Variants in SLC2A14 observed in about 807,000 individuals in gnomAD.
SLC2A14 encodes the protein solute carrier family 2 member 14, also known as solute carrier family 2, facilitated glucose transporter member 14.
Under a neutral mutation model 43.0 loss-of-function variants are expected in SLC2A14, and 13 were observed. That is an observed-to-expected ratio of 0.30 (90% CI 0.20 to 0.48). The LOEUF is 0.48. SLC2A14 is among the 20% of genes least tolerant of loss of function. The pLI is 0.99. For synonymous variants in SLC2A14, 190 were observed against 233.8 expected (o/e 0.81, Z 1.71); for missense variants, 428 against 620.4 (o/e 0.69, Z 3.29).
chr12:7,837,254 TTAAATG>T (rs1865534709), intron 2 of SLC2A14, among the ~76,000 whole-genome samples: 1 of 152,088 alleles, frequency 6.6e-6, no homozygotes, highest in African/African-American at 2.4e-5. Flanking sequence ...TGCACATACT[TTAAATG>T]TATACAATTT....
In SLC2A14 at chr12:7,868,947, C is replaced by T. The variant is rs765770878; in HGVS notation, c.18+916G>A. On this transcript the variant is annotated intron_variant, in intron 2 of 10. Coordinates refer to ENST00000431042, the MANE Select transcript of SLC2A14 (RefSeq NM_001286234.2). ...ATCACCTGAGGTCGGGAGTTCAAGA[C>T]CAGCCTGACCAACATGGAGAAACCC... 2.6e-5 allele frequency among the ~76,000 whole-genome samples: 4 copies of T among 152,158 alleles called. No individual in the cohort carries two copies. In the South Asian group the frequency reaches 8.3e-4, roughly 32 times the overall value.
chr12:7,884,464 T>C (rs1308101727), intron 1 of SLC2A14, among the ~76,000 whole-genome samples: 2 of 152,100 alleles, frequency 1.3e-5, no homozygotes, highest in Non-Finnish European at 2.9e-5. Flanking sequence ...AACAAGGAGT[T>C]TGATCTGTAA....
At chr12:7,883,545 C>G (rs892781240) in intron 1 of SLC2A14, among the ~76,000 whole-genome samples, 2 of 150,284 alleles carry the variant, frequency 1.3e-5, no homozygotes, top group Admixed American at 6.7e-5. Flanking sequence ...AGATTACAGG[C>G]ATGAGCCACC....
chr12:7,881,754 C>T (rs1330777350), intron 1 of SLC2A14, among the ~76,000 whole-genome samples: 3 of 152,158 alleles, frequency 2.0e-5, no homozygotes, highest in African/African-American at 7.2e-5. Context: ...CTAGTTGGAA[C>T]TTGGAGAACC....
chr12:7,879,316 A>AAAAGACAAC (rs148751409), intron 1 of SLC2A14, among the ~76,000 whole-genome samples: 1 of 109,982 alleles, frequency 9.1e-6, no homozygotes, highest in Non-Finnish European at 1.8e-5. Context: ...TCTGCAAAAA[A>AAAAGACAAC]AAACAAACAA....
chr12:7,887,790 T>G (rs775895688), intron 1 of SLC2A14, among the ~76,000 whole-genome samples: 8 of 152,318 alleles, frequency 5.3e-5, no homozygotes, highest in African/African-American at 1.7e-4. Context: ...AACTGTCATC[T>G]CTGTTGGCAC....
At chr12:7,878,761 GA>G (rs771761070) in intron 1 of SLC2A14, among the ~76,000 whole-genome samples, 17 of 151,538 alleles carry the variant, frequency 1.1e-4, no homozygotes, top group South Asian at 2.1e-4. Flanking sequence ...GGCGGATCAC[GA>G]GGTCAGGAGA....
intron 1 of SLC2A14, among the ~76,000 whole-genome samples, chr12:7,886,348 T>G (rs1000616083): frequency 1.4e-4 from 2 of 14,546 alleles, no homozygotes; most frequent in African/African-American, 3.6e-4. Context: ...TAAAATTTAT[T>G]TATTTATTTA....
chr12:7,827,413 C>T lies in SLC2A14; in HGVS notation c.864+82G>A, dbSNP rs1592172140. The T allele has an allele frequency of 4.6e-6, 7 of 1,518,836 alleles. No homozygotes were observed. In the Admixed American group the frequency reaches 1.4e-4, roughly 31 times the overall value. 94.1% of individuals were successfully genotyped at this position (1,518,836 alleles called of 1,614,324 possible). A position where few individuals can be genotyped will look rare whatever the true frequency, so the allele number is the denominator to read the frequency against. ...GCCTCAGCCTCCTGAGTAGCTGGGA[C>T]TACAGAGGCACACCGCCACCATGCC... On this transcript the variant is annotated intron_variant, in intron 7 of 10. Transcript: ENST00000431042.
chr12:7,825,459 CAAA>C, intron 7 of SLC2A14, among the ~76,000 whole-genome samples: 1 of 131,626 alleles, frequency 7.6e-6, no homozygotes, highest in Non-Finnish European at 1.6e-5. Flanking sequence ...GACTACCTCT[CAAA>C]AAAAAAAAAA....
intron 2 of SLC2A14, among the ~76,000 whole-genome samples, chr12:7,844,830 C>G (rs112239520): frequency 6.6e-6 from 1 of 152,072 alleles, no homozygotes; most frequent in Non-Finnish European, 1.5e-5. Flanking sequence ...GCCACCGCAC[C>G]GGGCTGTAAA....
At chr12:7,827,767 G>A (rs982459967) in intron 6 of SLC2A14, 85 bp from the exon 7 acceptor site, 45 of 1,504,378 alleles carry the variant, frequency 3.0e-5, no homozygotes, top group Non-Finnish European at 3.6e-5. Context: ...GGAAAGGGCC[G>A]CACGAGGTGA....
chr12:7,820,428 G>T (rs1355255050), intron 8 of SLC2A14, among the ~76,000 whole-genome samples: 1 of 152,150 alleles, frequency 6.6e-6, no homozygotes, highest in African/African-American at 2.4e-5. Context: ...ACTGGCATCA[G>T]GAGTTGGGGG....
At chr12:7,826,887 TTC>T (rs1220886127) in intron 7 of SLC2A14, among the ~76,000 whole-genome samples, 952 of 71,952 alleles carry the variant, frequency 0.013, 128 homozygotes, top group African/African-American at 0.059. Context: ...CTTTCTTTCT[TTC>T]TTTCTTTCTT....
At chr12:7,889,534 G>A (rs866143836) in intron 1 of SLC2A14, among the ~76,000 whole-genome samples, 17 of 136,662 alleles carry the variant, frequency 1.2e-4, no homozygotes, top group African/African-American at 4.4e-4. Flanking sequence ...TGCCTGACCT[G>A]GTTCCCCCTT....
At chr12:7,826,983 C>T (rs1383328906) in intron 7 of SLC2A14, among the ~76,000 whole-genome samples, 1 of 8,924 alleles carries the variant, frequency 1.1e-4, no homozygotes, top group African/African-American at 3.2e-4. Flanking sequence ...CTCTTTCTCT[C>T]CTTTCTCTCT....
chr12:7,866,224 C>CAAAAAAA (rs1294745106), intron 2 of SLC2A14, among the ~76,000 whole-genome samples: 9 of 93,536 alleles, frequency 9.6e-5, no homozygotes, highest in East Asian at 7.1e-4. Flanking sequence ...GACTCTGTCT[C>CAAAAAAA]AAAAAAAAAA....
At chr12:7,868,155 C>A (rs1248463546) in intron 2 of SLC2A14, among the ~76,000 whole-genome samples, 1 of 152,158 alleles carries the variant, frequency 6.6e-6, no homozygotes, top group Non-Finnish European at 1.5e-5. Flanking sequence ...TTAGTAACCA[C>A]AACCCTGATC....
chr12:7,823,392 AAAG>A (rs1864089529), intron 7 of SLC2A14, among the ~76,000 whole-genome samples: 1 of 151,364 alleles, frequency 6.6e-6, no homozygotes, highest in Non-Finnish European at 1.5e-5. Context: ...CAAAAAAAAA[AAAG>A]AAAAAAAAAG....
Sources: allele counts gnomAD v4.1 joint callset (sites outside exome capture counted in the v4.1 genomes callset), GRCh38; gene constraint gnomAD v4.1.1; transcripts MANE v1.5; gene names NCBI Gene and HGNC (gene_info 2026-07-23, HGNC 2026-07-21).